Variants in FGD4 observed in about 807,000 individuals in gnomAD.
FGD4 encodes FYVE, RhoGEF and PH domain containing 4, also known as FYVE, RhoGEF and PH domain-containing protein 4.
FGD4 carries 42 observed loss-of-function variants against 102.0 expected under a neutral mutation model. The observed-to-expected ratio is 0.41, with a 90% CI of 0.32 to 0.53. The LOEUF is 0.53. Among genes scored for constraint, FGD4 ranks in the 20% least tolerant of loss-of-function variants. The pLI is 0.21. For synonymous variants in FGD4, 380 were observed against 375.7 expected (o/e 1.01, Z -0.13); for missense variants, 902 against 1,078.2 (o/e 0.84, Z 2.29).
At chr12:32,468,009 C>A (rs1943311795) in intron 1 of FGD4, among the ~76,000 whole-genome samples, 2 of 151,954 alleles carry the variant, frequency 1.3e-5, no homozygotes, top group Admixed American at 1.3e-4. Flanking sequence ...GAGCGAGACT[C>A]CATCTCAAAA....
intron 10 of FGD4, among the ~76,000 whole-genome samples, chr12:32,615,534 C>T (rs1949393742): frequency 2.0e-5 from 3 of 152,030 alleles, no homozygotes; most frequent in Non-Finnish European, 4.4e-5. Context: ...ACTTCTTTCA[C>T]GGGTAATATA....
intron 1 of FGD4, chr12:32,502,392 T>G: frequency 1.0e-6 from 1 of 960,102 alleles, no homozygotes; most frequent in Non-Finnish European, 1.2e-6. Context: ...TGTGGGGGCA[T>G]TATCTCCATG....
chr12:32,564,170 C>A lies in FGD4; in HGVS notation c.200C>A (p.Pro67Gln). 1.3e-6 allele frequency: 2 copies of A among 1,536,090 alleles called. No individual in the cohort carries two copies. The highest frequency in any genetic ancestry group is 1.7e-6 in the Non-Finnish European group (2 of 1,146,898). Residue 67 changes from proline (P) to glutamine (Q), a missense_variant, in exon 2 of 17, where the codon CCA (proline) becomes CAA (glutamine). Physicochemically the swap from Pro to Gln is moderately conservative, Grantham distance 76. Around this residue, in one of 2 missense-constraint regions of FGD4, gnomAD observed 443 missense variants for 459.2 expected, o/e 0.96. Transcript: ENST00000534526. ...SSTCPKIALV[P>Q]PCSTSSTTTL... ...ACCTGTCCAAAGATCGCTTTAGTTC[C>A]ACCTTGCTCCACAAGCAGCACAACC...
chr12:32,580,886 C>CA (rs533419575), intron 3 of FGD4, among the ~76,000 whole-genome samples: 4,554 of 71,962 alleles, frequency 0.063, 102 homozygotes, highest in Middle Eastern at 0.12. Context: ...GACTCCGTCT[C>CA]AAAAAAAAAA....
chr12:32,498,444 A>T (rs554155184), intron 1 of FGD4, among the ~76,000 whole-genome samples: 2 of 152,324 alleles, frequency 1.3e-5, no homozygotes, highest in Admixed American at 6.5e-5. Flanking sequence ...GTAGGATCCT[A>T]TGGTATGAGA....
intron 1 of FGD4, among the ~76,000 whole-genome samples, chr12:32,461,423 T>C (rs1031090604): frequency 9.9e-5 from 15 of 152,204 alleles, no homozygotes; most frequent in African/African-American, 3.4e-4. Flanking sequence ...ACCACAATGC[T>C]TAAGAGGCTT....
chr12:32,588,448 T>C (rs1336108504), intron 4 of FGD4, among the ~76,000 whole-genome samples: 1 of 152,194 alleles, frequency 6.6e-6, no homozygotes, highest in Non-Finnish European at 1.5e-5. Context: ...GTGAATTCAC[T>C]GTTGTTAGCA....
At chr12:32,530,328 C>T (rs370250974) in intron 1 of FGD4, among the ~76,000 whole-genome samples, 142 of 152,106 alleles carry the variant, frequency 9.3e-4, no homozygotes, top group African/African-American at 2.9e-3. Context: ...ACTAAAAAAA[C>T]GAAAATTAGC....
chr12:32,592,836 ATC>A (rs895746551), intron 4 of FGD4, among the ~76,000 whole-genome samples: 3 of 152,238 alleles, frequency 2.0e-5, no homozygotes, highest in African/African-American at 7.2e-5. Flanking sequence ...GCTGAAAAGT[ATC>A]TCTTTAATAG....
At chr12:32,569,743 T>C (rs2136321579) in intron 2 of FGD4, among the ~76,000 whole-genome samples, 1 of 152,320 alleles carries the variant, frequency 6.6e-6, no homozygotes, top group African/African-American at 2.4e-5. Flanking sequence ...CTCAAGTGGC[T>C]AGAACCTAGT....
chr12:32,406,469 G>A (rs1383061102), intron 1 of FGD4, among the ~76,000 whole-genome samples: 3 of 151,674 alleles, frequency 2.0e-5, no homozygotes, highest in South Asian at 4.2e-4. Context: ...CAGGAAAATC[G>A]CTTGAACCGA....
chr12:32,475,580 T>C (rs1243693485), intron 1 of FGD4, among the ~76,000 whole-genome samples: 1 of 152,196 alleles, frequency 6.6e-6, no homozygotes, highest in Non-Finnish European at 1.5e-5. Flanking sequence ...ACCTGGGAAC[T>C]TACAGTTGAA....
intron 1 of FGD4, among the ~76,000 whole-genome samples, chr12:32,444,021 C>CT (rs67353121): frequency 0.025 from 2,999 of 119,034 alleles, 44 homozygotes; most frequent in Non-Finnish European, 0.03. Context: ...ACTTTGTTTT[C>CT]TTTTTTTTTT....
chr12:32,639,258 G>A (rs1220879265), intron 16 of FGD4, among the ~76,000 whole-genome samples: 2 of 152,078 alleles, frequency 1.3e-5, no homozygotes, highest in Non-Finnish European at 2.9e-5. Context: ...CCACCTCCTG[G>A]GTTCAAGTGA....
chr12:32,471,064 TCTC>T (rs1943403871), intron 1 of FGD4, among the ~76,000 whole-genome samples: 1 of 152,210 alleles, frequency 6.6e-6, no homozygotes, highest in African/African-American at 2.4e-5. Context: ...TTTCCATTCT[TCTC>T]CTGTCCTTGG....
At chr12:32,448,742 G>C (rs567096950) in intron 1 of FGD4, among the ~76,000 whole-genome samples, 55 of 151,882 alleles carry the variant, frequency 3.6e-4, no homozygotes, top group African/African-American at 1.3e-3. Context: ...AAAGAAGATA[G>C]AAGGGAAGCA....
At chr12:32,517,318 A>G (rs1181670707) in intron 1 of FGD4, among the ~76,000 whole-genome samples, 1 of 152,090 alleles carries the variant, frequency 6.6e-6, no homozygotes, top group Non-Finnish European at 1.5e-5. Context: ...TGTCATTTCA[A>G]TTTACCTGCT....
intron 1 of FGD4, among the ~76,000 whole-genome samples, chr12:32,559,984 T>A (rs1257876553): frequency 6.6e-6 from 1 of 152,216 alleles, no homozygotes; most frequent in Non-Finnish European, 1.5e-5. Context: ...AGTTTGTAGT[T>A]GAGCTGTGGC....
At chr12:32,413,382 G>A (rs1205102490) in intron 1 of FGD4, among the ~76,000 whole-genome samples, 2 of 152,192 alleles carry the variant, frequency 1.3e-5, no homozygotes, top group Non-Finnish European at 2.9e-5. Context: ...TTTACGTGCT[G>A]TGTAAATTAT....
Sources: allele counts gnomAD v4.1 joint callset (sites outside exome capture counted in the v4.1 genomes callset), GRCh38; gene constraint gnomAD v4.1.1; regional missense constraint gnomAD v4.1.1; transcripts MANE v1.5; gene names NCBI Gene and HGNC (gene_info 2026-07-23, HGNC 2026-07-21).